The following NUMA1 variants were observed in gnomAD, a reference collection of about 807,000 sequenced individuals.
NUMA1 encodes nuclear mitotic apparatus protein 1, also known as SP-H antigen.
NUMA1 carries 62 observed loss-of-function variants against 237.1 expected under a neutral mutation model. The observed-to-expected ratio is 0.26, with a 90% CI of 0.21 to 0.32. The LOEUF (loss-of-function observed/expected upper bound fraction) is 0.32, where lower values mean the gene tolerates loss of function less well. NUMA1 is among the 10% of genes least tolerant of loss of function. NUMA1 has a pLI of 1.00. For missense variants in NUMA1, 2,533 were observed against 2,666.5 expected (o/e 0.95, Z 1.10); for synonymous variants, 1,028 against 1,066.1 (o/e 0.96, Z 0.70).
At chr11:72,074,781 C>T (rs571720463) in intron 1 of NUMA1, among the ~76,000 whole-genome samples, 24 of 152,012 alleles carry the variant, frequency 1.6e-4, no homozygotes, top group Admixed American at 5.9e-4. Context: ...CGCCTGTAAT[C>T]CCAGCACTTT....
chr11:72,033,378 T>G (rs147731022), intron 3 of NUMA1, among the ~76,000 whole-genome samples: 118,339 of 147,298 alleles, frequency 0.8, 49,543 homozygotes, highest in Non-Finnish European at 0.94. Flanking sequence ...TTTTTTTTTT[T>G]TTTTTTTTTT....
intron 2 of NUMA1, among the ~76,000 whole-genome samples, chr11:72,046,950 A>G (rs1039100592): frequency 5.9e-5 from 9 of 151,904 alleles, no homozygotes; most frequent in African/African-American, 1.9e-4. Flanking sequence ...ACAGAGTGGG[A>G]CTCCATTGCA....
chr11:72,033,574 C>T (rs1180197315), intron 3 of NUMA1, among the ~76,000 whole-genome samples: 1 of 151,926 alleles, frequency 6.6e-6, no homozygotes, highest in Non-Finnish European at 1.5e-5. Flanking sequence ...GGTCTCACCA[C>T]GTTGCCCAGG....
At position 72,016,217 on chromosome 11, in the gene NUMA1, T is replaced by G; in HGVS notation, c.1286A>C (p.Asn429Thr). The G allele has an allele frequency of 1.9e-6, 3 of 1,604,198 alleles. No homozygotes were observed. The highest frequency in any genetic ancestry group is 1.3e-5 in the African/African-American group (1 of 74,794). The change falls in exon 15 of 27, where the codon AAC becomes ACC. Residue 429 changes from asparagine to threonine, a missense_variant. By Grantham distance (65) the Asn-to-Thr change is moderately conservative (BLOSUM62 0). Transcript: ENST00000393695. ...KQEAATLAANNTQLQARVEML... is the reference protein window; with the variant it reads ...KQEAATLAANTTQLQARVEML... ...CTCTACCCTGGCTTGGAGCTGTGTG[T>G]TGTTTGCAGCAAGAGTGGCTGCCTC...
intron 2 of NUMA1, among the ~76,000 whole-genome samples, chr11:72,061,906 C>T (rs1240073905): frequency 6.6e-6 from 1 of 152,076 alleles, no homozygotes; most frequent in Non-Finnish European, 1.5e-5. Flanking sequence ...CTGCTAAACA[C>T]CCCCAACAAA....
Position 72,012,921 on chromosome 11 carries a change from C to T in NUMA1, c.4582G>A (p.Glu1528Lys), listed in dbSNP as rs1956250253. Residue 1528 changes from glutamate to lysine, a missense_variant, in exon 15 of 27, where the codon GAA becomes AAA. By Grantham distance (56) the Glu-to-Lys change is moderately conservative. Around this residue, in one of 3 missense-constraint regions of NUMA1, gnomAD observed 324 missense variants for 407.6 expected, o/e 0.79. Transcript: ENST00000393695. ...TGGGCAGTGAGTTTCTGCCTCTCTT[C>T]CTGGAACCGCTGCCTCTCCTCCAGG... ...KVLEERQRFQ[E>K]ERQKLTAQVE... is the part of the protein sequence containing the mutation. 6.2e-7 allele frequency: 1 copy of T among 1,613,984 alleles called. No individual in the cohort carries two copies. Among genetic ancestry groups the T allele is most frequent in the African/African-American group, 1.3e-5 (1 of 74,926 alleles).
intron 2 of NUMA1, among the ~76,000 whole-genome samples, chr11:72,064,389 G>A (rs1020323176): frequency 6.6e-6 from 1 of 152,174 alleles, no homozygotes; most frequent in African/African-American, 2.4e-5. Flanking sequence ...TTGAGCCCAG[G>A]AGGTCAAGGC....
rs542463023 is a variant in NUMA1 at position 72,019,967 on chromosome 11, T to G, written c.461-350A>C. On this transcript the variant is annotated intron_variant, in intron 8 of 26. Coordinates refer to ENST00000393695, the MANE Select transcript of NUMA1 (RefSeq NM_006185.4). The stretch of plus-strand genomic sequence containing the variant: ...GGCTTGGGGAGCCCTGAGCAGGATC[T>G]CCTTGCAGCCCCCAACAACCTTTCC... Among the ~76,000 whole-genome samples the G allele has an allele frequency of 2.0e-5, 3 of 152,152 alleles. No individual in the cohort carries two copies. The East Asian group carries it at 5.8e-4, about 29-fold the overall frequency.
In NUMA1 at chr11:72,018,969, C is replaced by T; in HGVS notation, c.596G>A (p.Gly199Asp). The T allele has an allele frequency of 6.2e-7, 1 of 1,613,814 alleles. No individual in the cohort carries two copies. Among genetic ancestry groups the T allele is most frequent in the Non-Finnish European group, 8.5e-7 (1 of 1,179,980 alleles). Residue 199 changes from glycine to aspartate, a missense_variant, in exon 10 of 27, where the codon GGT becomes GAT. Gly to Asp is a moderately conservative substitution (Grantham distance 94, BLOSUM62 -1). Transcript: ENST00000393695. Reference sequence around the variant, plus strand: ...ATCACCCATGGGAGAAGCTGGAGAACCTGAGAGAAAGCTGAGGAGGGAGAA... The same window carrying T: ...ATCACCCATGGGAGAAGCTGGAGAATCTGAGAGAAAGCTGAGGAGGGAGAA... Reference protein sequence around the residue: ...SSSSGNNFLSGSPASPMGDIL... With the variant: ...SSSSGNNFLSDSPASPMGDIL...
At chr11:72,038,772 C>A (rs867104902) in intron 2 of NUMA1, among the ~76,000 whole-genome samples, 1 of 152,068 alleles carries the variant, frequency 6.6e-6, no homozygotes, top group Non-Finnish European at 1.5e-5. Context: ...CCAGCTGGAT[C>A]AGGCACCCCC....
At chr11:72,023,472 A>G (rs1939163560) in intron 5 of NUMA1, among the ~76,000 whole-genome samples, 1 of 152,204 alleles carries the variant, frequency 6.6e-6, no homozygotes, top group African/African-American at 2.4e-5. Context: ...ATGCCAGGTC[A>G]CTTTAGAATC....
At chr11:72,033,415 A>G (rs1940605380) in intron 3 of NUMA1, among the ~76,000 whole-genome samples, 1 of 148,088 alleles carries the variant, frequency 6.8e-6, no homozygotes, top group Non-Finnish European at 1.5e-5. Context: ...TCTATTGTCC[A>G]GGCCGGAGTG....
At position 72,018,221 on chromosome 11, in the gene NUMA1, T is replaced by C. The variant is rs773379949; in HGVS notation, c.940A>G (p.Asn314Asp). Residue 314 changes from asparagine (N) to aspartate (D), a missense_variant, in exon 12 of 27, where the codon AAC becomes GAC. By Grantham distance (23) the Asn-to-Asp change is conservative. Transcript: ENST00000393695. ...TEKSQMDRKI[N>D]QLSEENGDLS... ...TCTCCATTCTCCTCCGAAAGCTGGT[T>C]GATTTTGCGATCCATCTGGCTCTTC... 1.1e-4 allele frequency: 182 copies of C among 1,614,056 alleles called. No individual in the cohort carries two copies. Among genetic ancestry groups the C allele is most frequent in the Admixed American group, 1.5e-4 (9 of 60,000 alleles).
Position 72,005,423 on chromosome 11 carries a change from C to T in NUMA1, c.5693-54G>A, listed in dbSNP as rs1051631420. 55 of 1,566,314 alleles carry T rather than the reference C, an allele frequency of 3.5e-5. No individual in the cohort carries two copies. The Middle Eastern group carries it at 5.1e-4, about 14-fold the overall frequency. On this transcript the variant is annotated intron_variant, in intron 22 of 26. Coordinates refer to ENST00000393695, the MANE Select transcript of NUMA1 (RefSeq NM_006185.4). ...TGAGCCTGGAGTCGGCAGGTCACCTCCTGGCCCTGGCATCTTGCCAGCCTT... is the reference window on the plus strand; with the variant it reads ...TGAGCCTGGAGTCGGCAGGTCACCTTCTGGCCCTGGCATCTTGCCAGCCTT...
At chr11:72,052,125 C>T (rs991306128) in intron 2 of NUMA1, among the ~76,000 whole-genome samples, 3 of 152,126 alleles carry the variant, frequency 2.0e-5, no homozygotes, top group Non-Finnish European at 4.4e-5. Context: ...CTCTGAAAGG[C>T]ATTACAGACG....
At chr11:72,003,645 C>G (rs752255861) in intron 26 of NUMA1, 107 bp from the exon 27 acceptor site, 10 of 1,417,006 alleles carry the variant, frequency 7.1e-6, no homozygotes, top group Non-Finnish European at 1.0e-5. Flanking sequence ...TGGATCCCCT[C>G]CCTTGTGAGC....
chr11:72,005,701 G>A (rs1955638142), intron 22 of NUMA1: 2 of 496,224 alleles, frequency 4.0e-6, no homozygotes, highest in Non-Finnish European at 3.5e-6. Flanking sequence ...GGTGCCCAAA[G>A]GACAAGAGCT....
chr11:72,064,899 T>C (rs1227503428), intron 2 of NUMA1, among the ~76,000 whole-genome samples: 3 of 152,194 alleles, frequency 2.0e-5, no homozygotes, highest in Non-Finnish European at 2.9e-5. Flanking sequence ...TGAAACTATA[T>C]ATACAAATAT....
Position 72,003,529 on chromosome 11 carries a change from A to G in NUMA1, c.6346T>C (p.Ter2116GlnextTer15), listed in dbSNP as rs775165989. 6.2e-7 allele frequency: 1 copy of G among 1,614,106 alleles called. No homozygotes were observed. Among genetic ancestry groups the G allele is most frequent in the Admixed American group, 1.7e-5 (1 of 60,030 alleles). Reference sequence around the variant, plus strand: ...GGCCACTCACTGGTACTGGCCCTTTAGTGCTTTGCCTGAAAGAGACACAGT... The same window carrying G: ...GGCCACTCACTGGTACTGGCCCTTTGGTGCTTTGCCTGAAAGAGACACAGT... ...TPRAKGKAKH[*>Q] Residue 2116 changes from the stop codon to glutamine (Q), a stop_lost, in exon 27 of 27, where the codon TAA becomes CAA. Coordinates refer to ENST00000393695, the MANE Select transcript of NUMA1 (RefSeq NM_006185.4).
Sources: allele counts gnomAD v4.1 joint callset (sites outside exome capture counted in the v4.1 genomes callset), GRCh38; gene constraint gnomAD v4.1.1; regional missense constraint gnomAD v4.1.1; transcripts MANE v1.5; gene names NCBI Gene and HGNC (gene_info 2026-07-23, HGNC 2026-07-21).